ADAM10: variants seen among roughly 807,000 people sequenced by gnomAD.
The protein encoded by ADAM10 is ADAM metallopeptidase domain 10.
Under a neutral mutation model 90.1 loss-of-function variants are expected in ADAM10, and 17 were observed. That is an observed-to-expected ratio of 0.19 (90% CI 0.13 to 0.28). The LOEUF is 0.28. Among genes scored for constraint, ADAM10 ranks in the 10% least tolerant of loss-of-function variants. The probability of loss-of-function intolerance (pLI) is 1.00; values close to 1 mark genes in which losing one functional copy is unlikely to be tolerated. For synonymous variants in ADAM10, 310 were observed against 298.6 expected, an observed-to-expected ratio of 1.04 and a Z score of -0.40; for missense variants, 610 against 914.3, an observed-to-expected ratio of 0.67 and a Z score of 4.29.
intron 10 of ADAM10, among the ~76,000 whole-genome samples, chr15:58,622,430 C>T (rs998768948): frequency 6.6e-5 from 10 of 152,144 alleles, no homozygotes; most frequent in Admixed American, 2.0e-4. Context: ...GTTCTTTTAA[C>T]GTGTAATAGA....
chr15:58,688,387 C>A (rs1226371068), intron 2 of ADAM10, among the ~76,000 whole-genome samples: 1 of 150,726 alleles, frequency 6.6e-6, no homozygotes, highest in Non-Finnish European at 1.5e-5. Flanking sequence ...CAAACAACGA[C>A]AAAAAGACAC....
intron 8 of ADAM10, among the ~76,000 whole-genome samples, chr15:58,634,498 G>T (rs907576041): frequency 6.6e-6 from 1 of 151,718 alleles, no homozygotes; most frequent in African/African-American, 2.4e-5. Flanking sequence ...TCATTAACAG[G>T]GACTTTAGAA....
At chr15:58,672,902 GAAGA>G (rs1166282134) in intron 4 of ADAM10, 7 of 175,972 alleles carry the variant, frequency 4.0e-5, no homozygotes, top group African/African-American at 1.2e-4. Flanking sequence ...ATGAGGAAGA[GAAGA>G]AAGATGAAGA....
At chr15:58,658,694 C>T (rs149918174) in intron 5 of ADAM10, among the ~76,000 whole-genome samples, 2 of 152,234 alleles carry the variant, frequency 1.3e-5, no homozygotes, top group Non-Finnish European at 2.9e-5. Flanking sequence ...TCTTCATGTA[C>T]ACATCTTGCA....
At chr15:58,691,651 A>C (rs1216605259) in intron 2 of ADAM10, 1 of 380,866 alleles carries the variant, frequency 2.6e-6, no homozygotes, top group Non-Finnish European at 5.1e-6. Flanking sequence ...AGCCCAGAGA[A>C]GCTAAGCTCA....
intron 2 of ADAM10, among the ~76,000 whole-genome samples, chr15:58,712,229 G>A (rs780986726): frequency 2.6e-4 from 40 of 152,194 alleles, no homozygotes; most frequent in Non-Finnish European, 4.0e-4. Context: ...AAAAATTTCT[G>A]GAAATTATAG....
chr15:58,748,731 T>C, intron 1 of ADAM10: 1 of 392,004 alleles, frequency 2.6e-6, no homozygotes, highest in Non-Finnish European at 4.5e-6. Flanking sequence ...CCAAATGGTT[T>C]ACCCTTCTCC....
At chr15:58,730,779 G>T (rs1185107744) in intron 1 of ADAM10, among the ~76,000 whole-genome samples, 1 of 152,078 alleles carries the variant, frequency 6.6e-6, no homozygotes, top group Non-Finnish European at 1.5e-5. Flanking sequence ...CCTGCACTGT[G>T]GGCAGGCACC....
At chr15:58,674,746 T>C (rs1200066132) in intron 4 of ADAM10, among the ~76,000 whole-genome samples, 2 of 152,226 alleles carry the variant, frequency 1.3e-5, no homozygotes, top group African/African-American at 4.8e-5. Context: ...GAGGCCTCCA[T>C]CTTGAAATGG....
chr15:58,729,981 AAAAAC>A (rs1286713482), intron 1 of ADAM10, among the ~76,000 whole-genome samples: 1 of 138,744 alleles, frequency 7.2e-6, no homozygotes, highest in Non-Finnish European at 1.5e-5. Context: ...AAACAAAAAC[AAAAAC>A]AAAACAAACA....
At chr15:58,680,012 G>A (rs1280694551) in intron 3 of ADAM10, among the ~76,000 whole-genome samples, 1 of 152,150 alleles carries the variant, frequency 6.6e-6, no homozygotes, top group Non-Finnish European at 1.5e-5. Flanking sequence ...AGCATCTTTT[G>A]AAAATTTTGC....
chr15:58,593,246 C>T lies in ADAM10; in HGVS notation c.*4301G>A, dbSNP rs538502712. On this transcript the variant is annotated 3_prime_UTR_variant, in exon 16 of 16. Transcript: ENST00000260408. Reference sequence around the variant, plus strand: ...CCAGGCTGGAGTGCAATGGCGCAATCGCGGCTCACTGCAGCCTCTGCCTCC... The same window carrying T: ...CCAGGCTGGAGTGCAATGGCGCAATTGCGGCTCACTGCAGCCTCTGCCTCC... 1.4e-5 allele frequency: 2 copies of T among 140,390 alleles called. No individual in the cohort carries two copies. The highest frequency in any genetic ancestry group is 2.6e-5 in the African/African-American group (1 of 37,774). 8.7% of individuals were successfully genotyped at this position (140,390 alleles called of 1,614,324 possible).
chr15:58,698,494 T>G, intron 2 of ADAM10: 1 of 246,924 alleles, frequency 4.0e-6, no homozygotes, highest in Non-Finnish European at 8.0e-6. Flanking sequence ...GAGGATCGCT[T>G]CAGCCCAGAA....
chr15:58,602,430 G>T (rs1239124036), intron 14 of ADAM10, among the ~76,000 whole-genome samples: 1 of 151,994 alleles, frequency 6.6e-6, no homozygotes, highest in African/African-American at 2.4e-5. Context: ...ACCCCATACT[G>T]GTAGTGTTCC....
intron 14 of ADAM10, among the ~76,000 whole-genome samples, chr15:58,606,527 C>A (rs546534371): frequency 2.6e-5 from 4 of 152,292 alleles, no homozygotes; most frequent in South Asian, 4.1e-4. Flanking sequence ...ATGCTGAAAA[C>A]CTTACAATAT....
chr15:58,618,194 G>A (rs1161515573), intron 11 of ADAM10, among the ~76,000 whole-genome samples: 1 of 151,804 alleles, frequency 6.6e-6, no homozygotes, highest in Non-Finnish European at 1.5e-5. Flanking sequence ...CAATGAAACA[G>A]AATAGAGAAT....
Position 58,594,056 on chromosome 15 carries a change from T to TGAA in ADAM10, c.*3490_*3491insTTC, listed in dbSNP as rs879554433. On this transcript the variant is annotated 3_prime_UTR_variant, in exon 16 of 16. Coordinates refer to ENST00000260408, the MANE Select transcript of ADAM10 (RefSeq NM_001110.4). Reference sequence around the variant, plus strand: ...CTGTGGGGCAAACCAATTGTCTTTCTAGTTTCTAAGAAGTTGAAAGTGGTT... The same window carrying TGAA: ...CTGTGGGGCAAACCAATTGTCTTTCTGAAAGTTTCTAAGAAGTTGAAAGTGGTT... The TGAA allele has an allele frequency of 3.3e-5, 5 of 152,226 alleles. No homozygotes were observed. The highest frequency in any genetic ancestry group is 4.8e-5 in the African/African-American group (2 of 41,458). The allele number at this position is 152,226 out of a possible 1,614,324, so 9.4% of individuals were successfully genotyped here.
rs1013876994 is a variant in ADAM10, at chr15:58,589,819, T to C, written c.*7728A>G. 2.6e-5 allele frequency: 4 copies of C among 152,166 alleles called. No individual in the cohort carries two copies. Among genetic ancestry groups the C allele is most frequent in the Non-Finnish European group, 5.9e-5 (4 of 68,042 alleles). 9.4% of individuals were successfully genotyped at this position (152,166 alleles called of 1,614,324 possible). Reference sequence around the variant, plus strand: ...AATCCTAAATTTATGATAGTCATGATACAGACGCCCAGGTCTGAAAAGCGA... The same window carrying C: ...AATCCTAAATTTATGATAGTCATGACACAGACGCCCAGGTCTGAAAAGCGA... On this transcript the variant is annotated 3_prime_UTR_variant, in exon 16 of 16. Transcript: ENST00000260408.
intron 7 of ADAM10, among the ~76,000 whole-genome samples, chr15:58,641,544 T>C (rs573666890): frequency 1.3e-5 from 2 of 152,222 alleles, no homozygotes; most frequent in Non-Finnish European, 2.9e-5. Flanking sequence ...ATTTTGCTAA[T>C]TTAAACTCAC....
Sources: gnomAD v4.1 joint callset for allele counts (sites outside exome capture counted in the v4.1 genomes callset) on GRCh38, gnomAD v4.1.1 for gene constraint, MANE v1.5 for transcripts, NCBI Gene and HGNC (gene_info 2026-07-23, HGNC 2026-07-21) for gene names.